Variants in PDE2A observed in about 807,000 individuals in gnomAD.
PDE2A encodes the protein cGMP-dependent 3',5'-cyclic phosphodiesterase.
In PDE2A, 53 loss-of-function variants were observed where a neutral mutation model predicts 133.6. That is an observed-to-expected ratio of 0.40 (90% CI 0.32 to 0.50). The LOEUF is 0.50. PDE2A is among the 20% of genes least tolerant of loss of function. The pLI, the probability that PDE2A is intolerant of heterozygous loss-of-function variation, is 0.73. For synonymous variants in PDE2A, 491 were observed against 490.2 expected (o/e 1.00, Z -0.02); for missense variants, 796 against 1,232.4 (o/e 0.65, Z 5.30).
intron 2 of PDE2A, among the ~76,000 whole-genome samples, chr11:72,615,423 C>A (rs1211370507): frequency 1.3e-5 from 2 of 152,186 alleles, no homozygotes; most frequent in Non-Finnish European, 1.5e-5. Flanking sequence ...TCCCTGAGGG[C>A]CTGACTCACT....
rs374443876 is a variant in PDE2A at position 72,641,470 on chromosome 11, G to T, written c.144+784C>A. On this transcript the variant is annotated intron_variant, in intron 2 of 30. Coordinates refer to ENST00000334456, the MANE Select transcript of PDE2A (RefSeq NM_002599.5). ...ACGAAGATGGAGACCTAGAGAAACA[G>T]GAGAGAGACCAAGATAGACCAAGAG... Among the ~76,000 whole-genome samples the T allele has an allele frequency of 2.6e-5, 4 of 152,238 alleles. No homozygotes were observed. In the East Asian group the frequency reaches 7.7e-4, roughly 29 times the overall value.
intron 13 of PDE2A, among the ~76,000 whole-genome samples, chr11:72,587,246 T>C (rs978331273): frequency 6.0e-4 from 92 of 152,298 alleles, no homozygotes; most frequent in African/African-American, 2.1e-3. Flanking sequence ...CGGAGGTCTT[T>C]GCTAATGTCG....
At chr11:72,598,135 T>G (rs184344214) in intron 4 of PDE2A, among the ~76,000 whole-genome samples, 2 of 152,228 alleles carry the variant, frequency 1.3e-5, no homozygotes, top group Non-Finnish European at 2.9e-5. Flanking sequence ...GCAACTCACA[T>G]AGATGAACTC....
chr11:72,621,252 G>A (rs923026919), intron 2 of PDE2A, among the ~76,000 whole-genome samples: 1 of 152,132 alleles, frequency 6.6e-6, no homozygotes, highest in Non-Finnish European at 1.5e-5. Flanking sequence ...GAAGGGAGGA[G>A]CTCGCATCTG....
intron 6 of PDE2A, among the ~76,000 whole-genome samples, chr11:72,591,950 C>A (rs1055950921): frequency 3.9e-5 from 6 of 152,176 alleles, no homozygotes; most frequent in African/African-American, 1.4e-4. Context: ...GTGACTTGCC[C>A]AAAATCACAT....
chr11:72,584,463 G>A, intron 18 of PDE2A, 88 bp downstream of exon 18: 1 of 1,432,270 alleles, frequency 7.0e-7, no homozygotes, highest in Non-Finnish European at 9.6e-7. Context: ...GACGCTGGAG[G>A]CGGTGGGGAA....
chr11:72,655,489 C>CTG (rs35845757), intron 1 of PDE2A, among the ~76,000 whole-genome samples: 39 of 151,534 alleles, frequency 2.6e-4, no homozygotes, highest in Admixed American at 7.9e-4. Flanking sequence ...AAGTGAGTGC[C>CTG]TGTGTGTGTG....
Position 72,620,837 on chromosome 11 carries a change from G to A in PDE2A, c.145-12086C>T, listed in dbSNP as rs143711636. Among the ~76,000 whole-genome samples, 1,092 of 151,820 alleles carry A rather than the reference G, an allele frequency of 7.2e-3. 24 individuals carry two copies. Among genetic ancestry groups the A allele is most frequent in the African/African-American group, 0.026 (1,056 of 41,342 alleles). On this transcript the variant is annotated intron_variant, in intron 2 of 30. Coordinates refer to ENST00000334456, the MANE Select transcript of PDE2A (RefSeq NM_002599.5). ...GAGTGAGTGGGCAGGAGGGGGTATC[G>A]CTGACAACACCAAGCAGGGGACAGA...
chr11:72,665,442 C>T (rs548271788), intron 1 of PDE2A, among the ~76,000 whole-genome samples: 2 of 149,858 alleles, frequency 1.3e-5, no homozygotes, highest in African/African-American at 4.9e-5. Flanking sequence ...TCCAGGAAGA[C>T]AAATTTCCCT....
At chr11:72,623,548 C>T (rs1046810142) in intron 2 of PDE2A, among the ~76,000 whole-genome samples, 1 of 152,084 alleles carries the variant, frequency 6.6e-6, no homozygotes, top group Admixed American at 6.6e-5. Flanking sequence ...AGCCTGGCCC[C>T]GCTGCCCACT....
rs1200778989 is a variant in PDE2A at position 72,597,986 on chromosome 11, ACT to A, written c.324-369_324-368del. ...GACCTCTCTGATCTTCCCAAGGAGA[ACT>A]AGGGTGGAGAGAGAAGAACCCTCCC... On this transcript the variant is annotated intron_variant, in intron 4 of 30. Coordinates refer to ENST00000334456, the MANE Select transcript of PDE2A (RefSeq NM_002599.5). This position sits in a 1 kb window ranked among gnomAD's most constrained non-coding sequence, Gnocchi z 4.6. 1.3e-5 allele frequency among the ~76,000 whole-genome samples: 2 copies of A among 152,204 alleles called. No individual in the cohort carries two copies. The highest frequency in any genetic ancestry group is 4.8e-5 in the African/African-American group (2 of 41,448).
chr11:72,623,101 G>C (rs1011042237), intron 2 of PDE2A, among the ~76,000 whole-genome samples: 1 of 152,030 alleles, frequency 6.6e-6, no homozygotes, highest in Non-Finnish European at 1.5e-5. Context: ...GTCTCCAAAG[G>C]GCTCTCCAGG....
At chr11:72,585,963 G>C (rs1420814134) in intron 14 of PDE2A, 107 bp downstream of exon 14, 1 of 731,052 alleles carries the variant, frequency 1.4e-6, no homozygotes, top group Non-Finnish European at 2.4e-6. Context: ...CCTGGGGAAG[G>C]GCTGCCACCA....
rs749099388 is a variant in PDE2A, at chr11:72,580,554, G to C, written c.2181+23C>G. 6 of 1,544,826 alleles carry C rather than the reference G, an allele frequency of 3.9e-6. No individual in the cohort carries two copies. The South Asian group carries it at 5.9e-5, about 15-fold the overall frequency. ...ACTGGCCTTAAAGGGGAAGAAGGAC[G>C]GGGTGGGACAGAAGAGTGATACCTC... On this transcript the variant is annotated intron_variant, in intron 25 of 30. Transcript: ENST00000334456.
At chr11:72,615,344 G>A (rs1331260439) in intron 2 of PDE2A, among the ~76,000 whole-genome samples, 1 of 152,244 alleles carries the variant, frequency 6.6e-6, no homozygotes, top group Admixed American at 6.5e-5. Flanking sequence ...CTAGGTTTGG[G>A]GGTGGATGAA....
intron 2 of PDE2A, among the ~76,000 whole-genome samples, chr11:72,611,026 C>T (rs1482715997): frequency 6.6e-6 from 1 of 152,202 alleles, no homozygotes; most frequent in Non-Finnish European, 1.5e-5. Flanking sequence ...CAGACGGGGG[C>T]TCTAAAGACA....
chr11:72,670,283 G>A (rs1027489880), intron 1 of PDE2A, among the ~76,000 whole-genome samples: 1 of 152,172 alleles, frequency 6.6e-6, no homozygotes, highest in Admixed American at 6.5e-5. Context: ...CATCCACGTG[G>A]TCACTGGCTC....
At chr11:72,663,726 CAA>C (rs35814877) in intron 1 of PDE2A, among the ~76,000 whole-genome samples, 116 of 111,782 alleles carry the variant, frequency 1.0e-3, no homozygotes, top group Middle Eastern at 4.3e-3. Flanking sequence ...AAGACTGTCT[CAA>C]AAAAAAAAAA....
chr11:72,664,015 G>C (rs764541710), intron 1 of PDE2A, among the ~76,000 whole-genome samples: 3 of 152,184 alleles, frequency 2.0e-5, no homozygotes, highest in Non-Finnish European at 4.4e-5. Flanking sequence ...GCCAGTGAGG[G>C]TCAGGGTACT....
Sources: gnomAD v4.1 joint callset for allele counts (sites outside exome capture counted in the v4.1 genomes callset) on GRCh38, gnomAD v4.1.1 for gene constraint, Gnocchi (gnomAD v3.1) non-coding constraint, MANE v1.5 for transcripts, NCBI Gene and HGNC (gene_info 2026-07-23, HGNC 2026-07-21) for gene names.